The following HDAC9 variants were observed in gnomAD, a reference collection of about 807,000 sequenced individuals.
HDAC9 encodes the protein histone deacetylase 9, also known as MEF-2 interacting transcription repressor (MITR) protein.
Under a neutral mutation model 139.4 loss-of-function variants are expected in HDAC9, and 41 were observed. That is an observed-to-expected ratio of 0.29 (90% CI 0.23 to 0.38). The LOEUF is 0.38. Among genes scored for constraint, HDAC9 ranks in the 10% least tolerant of loss-of-function variants. The pLI, the probability that HDAC9 is intolerant of heterozygous loss-of-function variation, is 1.00. For synonymous variants in HDAC9, 517 were observed against 476.2 expected (o/e 1.09, Z -1.12); for missense variants, 1,147 against 1,297.0 (o/e 0.88, Z 1.78).
chr7:18,372,796 T>C (rs544659456), intron 1 of HDAC9, among the ~76,000 whole-genome samples: 3 of 152,320 alleles, frequency 2.0e-5, no homozygotes, highest in Admixed American at 2.0e-4. Context: ...GTGATGTCAG[T>C]GATGCCATGG....
intron 12 of HDAC9, among the ~76,000 whole-genome samples, chr7:18,688,989 C>A (rs187478178): frequency 1.4e-4 from 21 of 152,086 alleles, no homozygotes; most frequent in Admixed American, 1.1e-3. Context: ...TTATAGTCTA[C>A]TTTAAAAGTG....
chr7:18,197,754 C>A (rs569105268), intron 2 of HDAC9, among the ~76,000 whole-genome samples: 1 of 152,148 alleles, frequency 6.6e-6, no homozygotes, highest in Non-Finnish European at 1.5e-5. Flanking sequence ...AGTCCTTTTT[C>A]CCTAGCTTTA....
chr7:18,573,913 C>T (rs1286292646), intron 2 of HDAC9, among the ~76,000 whole-genome samples: 1 of 152,216 alleles, frequency 6.6e-6, no homozygotes, highest in Non-Finnish European at 1.5e-5. Flanking sequence ...CTCCCCTTCT[C>T]ATCGCCCACA....
intron 22 of HDAC9, among the ~76,000 whole-genome samples, chr7:18,882,645 C>CA (rs11394184): frequency 0.043 from 5,462 of 127,866 alleles, 193 homozygotes; most frequent in African/African-American, 0.11. Context: ...CCTAATCAGC[C>CA]AAAAAAAAAA....
intron 21 of HDAC9, among the ~76,000 whole-genome samples, chr7:18,842,191 A>G (rs1351003601): frequency 6.6e-6 from 1 of 152,070 alleles, no homozygotes; most frequent in Admixed American, 6.6e-5. Flanking sequence ...TGACAAGTAA[A>G]TATATTAAGC....
intron 2 of HDAC9, among the ~76,000 whole-genome samples, chr7:18,558,592 G>A (rs772738653): frequency 4.0e-4 from 61 of 152,248 alleles, no homozygotes; most frequent in Non-Finnish European, 6.9e-4. Flanking sequence ...TGTAACATTT[G>A]TATTGAATAT....
intron 2 of HDAC9, among the ~76,000 whole-genome samples, chr7:18,211,525 A>G (rs565865374): frequency 3.9e-5 from 6 of 152,334 alleles, no homozygotes; most frequent in South Asian, 2.1e-4. Context: ...ACAGTATTCT[A>G]TGGACATTTG....
At chr7:18,822,808 T>C (rs1795087139) in intron 17 of HDAC9, among the ~76,000 whole-genome samples, 1 of 152,220 alleles carries the variant, frequency 6.6e-6, no homozygotes, top group African/African-American at 2.4e-5. Context: ...CATCTTTCTG[T>C]GCCTCAATTT....
At chr7:18,196,469 G>A (rs1202198672) in intron 2 of HDAC9, among the ~76,000 whole-genome samples, 1 of 152,170 alleles carries the variant, frequency 6.6e-6, no homozygotes, top group Non-Finnish European at 1.5e-5. Flanking sequence ...TCAGAGAAGG[G>A]AGTATGTTGA....
intron 6 of HDAC9, among the ~76,000 whole-genome samples, chr7:18,601,945 G>T (rs1423109111): frequency 1.3e-5 from 2 of 152,092 alleles, no homozygotes; most frequent in Non-Finnish European, 2.9e-5. Flanking sequence ...TATAATGTCT[G>T]TATCTGATTT....
chr7:18,992,377 T>G (rs1786052839), intron 25 of HDAC9, among the ~76,000 whole-genome samples: 1 of 151,872 alleles, frequency 6.6e-6, no homozygotes, highest in South Asian at 2.1e-4. Flanking sequence ...AATACAGTAC[T>G]GAGTGAGAAA....
chr7:18,520,109 A>G lies in HDAC9; in HGVS notation c.22+23785A>G, dbSNP rs189682380. 3.1e-3 allele frequency among the ~76,000 whole-genome samples: 468 copies of G among 152,200 alleles called. 10 individuals are homozygous for G. Among genetic ancestry groups the G allele is most frequent in the Non-Finnish European group, 4.1e-3 (280 of 67,976 alleles). On this transcript the variant is annotated intron_variant, in intron 2 of 25. Transcript: ENST00000686413. ...AAAAAAATGCTAGCATGAAAATCAC[A>G]GTTCAATAAAGTGTTTTTATATCAG...
intron 21 of HDAC9, among the ~76,000 whole-genome samples, chr7:18,862,585 C>T (rs1161362374): frequency 6.6e-6 from 1 of 152,094 alleles, no homozygotes; most frequent in Admixed American, 6.6e-5. Flanking sequence ...TTTTTGAAGA[C>T]TTTTGGAGAA....
chr7:18,211,362 G>C (rs929834780), intron 2 of HDAC9, among the ~76,000 whole-genome samples: 7 of 152,164 alleles, frequency 4.6e-5, no homozygotes, highest in African/African-American at 1.7e-4. Flanking sequence ...CACATAGTAG[G>C]TGAACTTTGA....
intron 22 of HDAC9, among the ~76,000 whole-genome samples, chr7:18,904,583 T>C (rs1032448133): frequency 4.2e-5 from 6 of 142,322 alleles, no homozygotes; most frequent in Admixed American, 2.8e-4. Context: ...TTTTTTTTTT[T>C]TTTTTTTTTT....
intron 16 of HDAC9, among the ~76,000 whole-genome samples, chr7:18,771,567 A>T (rs1002463923): frequency 1.3e-5 from 2 of 150,690 alleles, no homozygotes; most frequent in African/African-American, 2.5e-5. Flanking sequence ...GTGTGTGTTT[A>T]TATATACAAG....
At chr7:18,180,985 T>C (rs1789379051) in intron 2 of HDAC9, among the ~76,000 whole-genome samples, 1 of 152,174 alleles carries the variant, frequency 6.6e-6, no homozygotes, top group African/African-American at 2.4e-5. Flanking sequence ...TTCTTTTGCG[T>C]GTGTGTCAAA....
intron 1 of HDAC9, among the ~76,000 whole-genome samples, chr7:18,386,410 T>C (rs956454528): frequency 6.6e-6 from 1 of 152,194 alleles, no homozygotes; most frequent in Non-Finnish European, 1.5e-5. Context: ...TTCATTGAAC[T>C]TGCATAGAAA....
At chr7:18,347,858 C>T (rs965792422) in intron 1 of HDAC9, among the ~76,000 whole-genome samples, 2 of 151,940 alleles carry the variant, frequency 1.3e-5, no homozygotes, top group African/African-American at 2.4e-5. Context: ...ATAACAGGCA[C>T]GAGCCACTGC....
Sources: allele counts gnomAD v4.1 joint callset (sites outside exome capture counted in the v4.1 genomes callset), GRCh38; gene constraint gnomAD v4.1.1; transcripts MANE v1.5; gene names NCBI Gene and HGNC (gene_info 2026-07-23, HGNC 2026-07-21).